Variants in GNG12 observed in about 807,000 individuals in gnomAD.
GNG12 encodes guanine nucleotide-binding protein G(I)/G(S)/G(O) subunit gamma-12.
For missense variants in GNG12, 69 were observed against 83.8 expected, an observed-to-expected ratio of 0.82 and a Z score of 0.69; for synonymous variants, 28 against 29.7, an observed-to-expected ratio of 0.94 and a Z score of 0.19.
intron 2 of GNG12, among the ~76,000 whole-genome samples, chr1:67,709,938 A>ATATATATAGT (rs1646275684): frequency 4.6e-5 from 1 of 21,836 alleles, no homozygotes; most frequent in African/African-American, 1.6e-4. Context: ...ATATATAGTT[A>ATATATATAGT]TATATATATA....
At chr1:67,736,634 T>C (rs770165087) in intron 2 of GNG12, among the ~76,000 whole-genome samples, 2 of 152,134 alleles carry the variant, frequency 1.3e-5, no homozygotes, top group East Asian at 1.9e-4. Context: ...CCAGGAGCAG[T>C]GACCCCCTCA....
At chr1:67,800,455 T>C (rs2100795636) in intron 1 of GNG12, among the ~76,000 whole-genome samples, 1 of 152,310 alleles carries the variant, frequency 6.6e-6, no homozygotes, top group African/African-American at 2.4e-5. Context: ...GTCTGAATAA[T>C]CAGAGCTTGT....
intron 2 of GNG12, among the ~76,000 whole-genome samples, chr1:67,759,020 TA>T (rs1438274988): frequency 1.3e-5 from 2 of 152,072 alleles, no homozygotes; most frequent in African/African-American, 4.8e-5. Context: ...TCAAAACAGC[TA>T]AAAAAATGTG....
At chr1:67,712,337 C>T (rs970688981) in intron 2 of GNG12, among the ~76,000 whole-genome samples, 8 of 152,208 alleles carry the variant, frequency 5.3e-5, no homozygotes, top group African/African-American at 1.9e-4. Flanking sequence ...TGAAGCCTCA[C>T]TATAATCCTG....
intron 2 of GNG12, among the ~76,000 whole-genome samples, chr1:67,759,941 G>A (rs934040989): frequency 6.6e-6 from 1 of 152,168 alleles, no homozygotes; most frequent in African/African-American, 2.4e-5. Context: ...CTGATACCCT[G>A]TCCACTCTAC....
chr1:67,772,210 C>G (rs1316231259), intron 2 of GNG12, among the ~76,000 whole-genome samples: 1 of 152,172 alleles, frequency 6.6e-6, no homozygotes, highest in Non-Finnish European at 1.5e-5. Context: ...CAGAAGTTCA[C>G]AGATCTGTTG....
intron 2 of GNG12, among the ~76,000 whole-genome samples, chr1:67,711,691 T>C (rs1646296714): frequency 6.6e-6 from 1 of 152,146 alleles, no homozygotes; most frequent in South Asian, 2.1e-4. Flanking sequence ...TAAGTTCCTT[T>C]TGGAGGATCT....
chr1:67,706,647 CT>C (rs1646249623), intron 3 of GNG12, among the ~76,000 whole-genome samples: 2 of 110,272 alleles, frequency 1.8e-5, no homozygotes, highest in Non-Finnish European at 1.9e-5. Context: ...TTTCTTTTTT[CT>C]TTTCTTTCTT....
At chr1:67,815,101 G>A (rs376792620) in intron 1 of GNG12, among the ~76,000 whole-genome samples, 1 of 152,196 alleles carries the variant, frequency 6.6e-6, no homozygotes, top group African/African-American at 2.4e-5. Flanking sequence ...TTCTCAAGGG[G>A]GAATGGAGAA....
At chr1:67,800,120 T>C (rs1288233953) in intron 1 of GNG12, among the ~76,000 whole-genome samples, 1 of 152,230 alleles carries the variant, frequency 6.6e-6, no homozygotes, top group East Asian at 1.9e-4. Context: ...TTAGTCTCTC[T>C]TGCATTGGAA....
intron 1 of GNG12, among the ~76,000 whole-genome samples, chr1:67,825,275 C>G (rs909110486): frequency 2.0e-5 from 3 of 152,200 alleles, no homozygotes; most frequent in Non-Finnish European, 4.4e-5. Context: ...CTGCATTTAA[C>G]CAGGTTAAAT....
At chr1:67,733,801 C>A (rs938546243) in intron 2 of GNG12, among the ~76,000 whole-genome samples, 1 of 152,150 alleles carries the variant, frequency 6.6e-6, no homozygotes, top group Non-Finnish European at 1.5e-5. Flanking sequence ...TGTTATCTGC[C>A]TGTTGCAGGA....
At chr1:67,745,729 C>T (rs934020241) in intron 2 of GNG12, among the ~76,000 whole-genome samples, 1 of 152,060 alleles carries the variant, frequency 6.6e-6, no homozygotes, top group Non-Finnish European at 1.5e-5. Context: ...TTGTGGTTTC[C>T]AAGTCAGTGT....
intron 2 of GNG12, among the ~76,000 whole-genome samples, chr1:67,711,216 TG>T (rs1557592792): frequency 6.6e-6 from 1 of 152,174 alleles, no homozygotes; most frequent in Non-Finnish European, 1.5e-5. Flanking sequence ...GTCGATTAAA[TG>T]GGGGTAACTG....
chr1:67,772,001 A>C (rs1380498758), intron 2 of GNG12, among the ~76,000 whole-genome samples: 1 of 152,188 alleles, frequency 6.6e-6, no homozygotes, highest in Non-Finnish European at 1.5e-5. Context: ...ACACTTTACT[A>C]ATTGAGCCAA....
intron 2 of GNG12, among the ~76,000 whole-genome samples, chr1:67,751,050 G>GT (rs1646535663): frequency 6.6e-6 from 1 of 152,002 alleles, no homozygotes; most frequent in Non-Finnish European, 1.5e-5. Flanking sequence ...TTTTTCACCA[G>GT]TTTTTAACCT....
intron 1 of GNG12, among the ~76,000 whole-genome samples, chr1:67,788,396 G>A (rs1205335005): frequency 1.3e-5 from 2 of 152,108 alleles, no homozygotes; most frequent in East Asian, 1.9e-4. Context: ...ATAGTGGTGC[G>A]ATCAGGTCAC....
chr1:67,776,561 C>T (rs1393260457), intron 2 of GNG12, among the ~76,000 whole-genome samples: 1 of 152,196 alleles, frequency 6.6e-6, no homozygotes, highest in East Asian at 1.9e-4. Context: ...TATGAACAAA[C>T]TTGGGGTAAC....
chr1:67,760,687 T>A (rs2100738537), intron 2 of GNG12, among the ~76,000 whole-genome samples: 2 of 152,336 alleles, frequency 1.3e-5, no homozygotes, highest in South Asian at 4.1e-4. Context: ...TTGGCCTAAA[T>A]TTGATCCTCA....
Sources: gnomAD v4.1 joint callset for allele counts (sites outside exome capture counted in the v4.1 genomes callset) on GRCh38, gnomAD v4.1.1 for gene constraint, MANE v1.5 for transcripts, NCBI Gene and HGNC (gene_info 2026-07-23, HGNC 2026-07-21) for gene names.